Variants in RORA observed in about 807,000 individuals in gnomAD.
The protein encoded by RORA is nuclear receptor ROR-alpha.
In RORA, 7 loss-of-function variants were observed where a neutral mutation model predicts 69.5. The observed-to-expected ratio is 0.10, with a 90% CI of 0.06 to 0.19. RORA has a LOEUF of 0.19. Ranked by LOEUF, RORA falls within the 10% of genes least tolerant of loss-of-function variation. The pLI, the probability that RORA is intolerant of heterozygous loss-of-function variation, is 1.00. For missense variants in RORA, 457 were observed against 663.0 expected, an observed-to-expected ratio of 0.69 and a Z score of 3.41; for synonymous variants, 261 against 240.8, an observed-to-expected ratio of 1.08 and a Z score of -0.78.
chr15:60,785,787 T>A (rs1265540888), intron 1 of RORA, among the ~76,000 whole-genome samples: 1 of 152,244 alleles, frequency 6.6e-6, no homozygotes, highest in Non-Finnish European at 1.5e-5. Flanking sequence ...ATTCCTCCCC[T>A]CCATATTGAG....
chr15:60,556,869 T>C (rs768747796), intron 2 of RORA: 3 of 1,613,044 alleles, frequency 1.9e-6, no homozygotes, highest in East Asian at 2.2e-5. Context: ...TGTATCCAGT[T>C]TGTACTTCCT....
chr15:61,011,004 T>C (rs1485370828), intron 1 of RORA, among the ~76,000 whole-genome samples: 1 of 152,228 alleles, frequency 6.6e-6, no homozygotes, highest in African/African-American at 2.4e-5. Context: ...GTAAGGCTTA[T>C]ATGATTATTA....
At chr15:61,073,646 C>T (rs937553651) in intron 1 of RORA, among the ~76,000 whole-genome samples, 4 of 152,170 alleles carry the variant, frequency 2.6e-5, no homozygotes, top group African/African-American at 4.8e-5. Flanking sequence ...CAATGAATCA[C>T]GTACCCGACT....
At chr15:60,816,696 G>C (rs2072820829) in intron 1 of RORA, among the ~76,000 whole-genome samples, 1 of 143,152 alleles carries the variant, frequency 7.0e-6, no homozygotes, top group East Asian at 2.1e-4. Context: ...TAACAAACCT[G>C]CACGTTGTGC....
At chr15:61,158,211 C>T (rs1047638612) in intron 1 of RORA, among the ~76,000 whole-genome samples, 4 of 152,098 alleles carry the variant, frequency 2.6e-5, no homozygotes, top group African/African-American at 9.7e-5. Flanking sequence ...CTGGAGTGCT[C>T]GAAGTGACAG....
At chr15:61,159,651 T>C (rs999016472) in intron 1 of RORA, among the ~76,000 whole-genome samples, 3 of 152,218 alleles carry the variant, frequency 2.0e-5, no homozygotes, top group Non-Finnish European at 4.4e-5. Flanking sequence ...ATTGCATTCA[T>C]ACATTTAGGT....
intron 2 of RORA, chr15:60,677,337 C>T (rs1043936012): frequency 1.2e-5 from 5 of 408,278 alleles, no homozygotes; most frequent in Admixed American, 5.1e-5. Flanking sequence ...ACAACAACGA[C>T]AAAACAACCC....
At chr15:61,193,654 T>A (rs1333919908) in intron 1 of RORA, among the ~76,000 whole-genome samples, 1 of 152,168 alleles carries the variant, frequency 6.6e-6, no homozygotes, top group East Asian at 1.9e-4. Context: ...CCAATACCAA[T>A]AATAATAATA....
At chr15:60,650,972 C>G (rs2070134231) in intron 2 of RORA, among the ~76,000 whole-genome samples, 1 of 152,116 alleles carries the variant, frequency 6.6e-6, no homozygotes, top group Non-Finnish European at 1.5e-5. Flanking sequence ...AAGATTCAAA[C>G]CCGGGTCCTT....
chr15:60,793,399 G>A (rs185346779), intron 1 of RORA, among the ~76,000 whole-genome samples: 1 of 152,298 alleles, frequency 6.6e-6, no homozygotes, highest in East Asian at 1.9e-4. Context: ...ATGCTGCCAT[G>A]GCTGAAGTAA....
At chr15:60,815,806 A>T (rs1025748222) in intron 1 of RORA, among the ~76,000 whole-genome samples, 1 of 151,098 alleles carries the variant, frequency 6.6e-6, no homozygotes, top group East Asian at 1.9e-4. Flanking sequence ...TTTAAAAAAA[A>T]TTTTATATTT....
In RORA at chr15:60,993,287, G is replaced by T. The variant is rs911566947; in HGVS notation, c.166+235766C>A. Reference sequence around the variant, plus strand: ...ACTGACCTTCATAACATTATTGTGGGGAAGGTATTACTGTCCCCCTTTTAT... The same window carrying T: ...ACTGACCTTCATAACATTATTGTGGTGAAGGTATTACTGTCCCCCTTTTAT... On this transcript the variant is annotated intron_variant, in intron 1 of 10. Coordinates refer to ENST00000335670, the MANE Select transcript of RORA (RefSeq NM_134261.3). Among the ~76,000 whole-genome samples, 9 of 152,056 alleles carry T rather than the reference G, an allele frequency of 5.9e-5. No homozygotes were observed. In the East Asian group the frequency reaches 1.7e-3, roughly 29 times the overall value.
At chr15:60,632,718 T>C (rs1310534558) in intron 2 of RORA, among the ~76,000 whole-genome samples, 1 of 150,738 alleles carries the variant, frequency 6.6e-6, no homozygotes. Context: ...GTCCTACTTA[T>C]CATTAGCTGA....
chr15:61,162,706 C>T (rs2079506188), intron 1 of RORA, among the ~76,000 whole-genome samples: 1 of 152,116 alleles, frequency 6.6e-6, no homozygotes. Flanking sequence ...TCTATGGACC[C>T]ACAGTTAGCA....
intron 1 of RORA, among the ~76,000 whole-genome samples, chr15:60,954,041 C>T (rs890242538): frequency 1.3e-5 from 2 of 150,852 alleles, no homozygotes; most frequent in African/African-American, 4.9e-5. Flanking sequence ...TGGAACCAAC[C>T]CAAATGTACA....
intron 1 of RORA, among the ~76,000 whole-genome samples, chr15:60,929,359 G>A (rs1419769449): frequency 1.3e-5 from 2 of 152,150 alleles, no homozygotes; most frequent in Non-Finnish European, 2.9e-5. Flanking sequence ...TATGAAGTCT[G>A]GTATTCATCA....
At position 60,818,571 on chromosome 15, in the gene RORA, T is replaced by C. The variant is rs114520849; in HGVS notation, c.167-139885A>G. ...TAACCAGGATGAAGTGTTCTTCCTT[T>C]GGGACTCTAGAGCCTTCAAAGGTCC... On this transcript the variant is annotated intron_variant, in intron 1 of 10. Transcript: ENST00000335670. Among the ~76,000 whole-genome samples the C allele has an allele frequency of 1.4e-3, 215 of 152,300 alleles. 1 individual carries two copies. Among genetic ancestry groups the C allele is most frequent in the African/African-American group, 5.0e-3 (207 of 41,566 alleles).
At chr15:61,068,000 C>A (rs2078289043) in intron 1 of RORA, among the ~76,000 whole-genome samples, 1 of 152,194 alleles carries the variant, frequency 6.6e-6, no homozygotes, top group African/African-American at 2.4e-5. Flanking sequence ...TTGATTCCAG[C>A]ATCCTCCATG....
chr15:61,106,919 G>T (rs1441297520), intron 1 of RORA, among the ~76,000 whole-genome samples: 1 of 152,176 alleles, frequency 6.6e-6, no homozygotes, highest in Non-Finnish European at 1.5e-5. Context: ...CGTGCTATGT[G>T]CTGGGTCCTT....
Sources: gnomAD v4.1 joint callset for allele counts (sites outside exome capture counted in the v4.1 genomes callset) on GRCh38, gnomAD v4.1.1 for gene constraint, MANE v1.5 for transcripts, NCBI Gene and HGNC (gene_info 2026-07-23, HGNC 2026-07-21) for gene names.